The following EYS variants were observed in gnomAD, a reference collection of about 807,000 sequenced individuals.
EYS encodes protein eyes shut homolog.
EYS carries 250 observed loss-of-function variants against 282.1 expected under a neutral mutation model. The observed-to-expected ratio is 0.89, with a 90% CI of 0.80 to 0.98. The LOEUF (loss-of-function observed/expected upper bound fraction) is 0.98. Among genes scored for constraint, EYS ranks in the 50% least tolerant of loss-of-function variants. The pLI, the probability that EYS is intolerant of heterozygous loss-of-function variation, is 0.00. For missense variants in EYS, 4,016 were observed against 3,709.0 expected, an observed-to-expected ratio of 1.08 and a Z score of -2.15; for synonymous variants, 1,355 against 1,282.9, an observed-to-expected ratio of 1.06 and a Z score of -1.20.
intron 12 of EYS, among the ~76,000 whole-genome samples, chr6:65,209,405 G>A (rs1186260831): frequency 2.6e-5 from 4 of 151,498 alleles, no homozygotes; most frequent in African/African-American, 9.7e-5. Context: ...CACAAATCAG[G>A]ATTTATTAAT....
chr6:64,534,349 T>G (rs751061340), intron 26 of EYS, among the ~76,000 whole-genome samples: 5 of 151,964 alleles, frequency 3.3e-5, no homozygotes, highest in Non-Finnish European at 5.9e-5. Context: ...CTAAAATGAG[T>G]CTGTGTTATC....
intron 19 of EYS, among the ~76,000 whole-genome samples, chr6:64,873,898 T>G (rs1404326916): frequency 6.6e-6 from 1 of 152,078 alleles, no homozygotes; most frequent in Non-Finnish European, 1.5e-5. Context: ...CTTTTTGCAT[T>G]AGAAATATTA....
intron 29 of EYS, among the ~76,000 whole-genome samples, chr6:64,354,459 CTTAACTTCACAGTTTGT>C (rs1177547379): frequency 1.3e-5 from 2 of 151,488 alleles, no homozygotes; most frequent in African/African-American, 4.8e-5. Flanking sequence ...AAGACAGAAG[CTTAACTTCACAGTTTGT>C]TTCCTCATCC....
intron 15 of EYS, among the ~76,000 whole-genome samples, chr6:64,934,893 A>G (rs1474624779): frequency 2.6e-5 from 4 of 151,766 alleles, no homozygotes. Flanking sequence ...TTTGTTCATA[A>G]CTCTTTTCTC....
intron 12 of EYS, among the ~76,000 whole-genome samples, chr6:65,058,603 A>T (rs1372957364): frequency 6.6e-6 from 1 of 150,916 alleles, no homozygotes; most frequent in Non-Finnish European, 1.5e-5. Flanking sequence ...TAATTTTACA[A>T]CGTAAGCCTA....
Position 65,258,912 on chromosome 6 carries a change from G to A in EYS, c.2023+36951C>T, listed in dbSNP as rs568386161. 2.2e-3 allele frequency among the ~76,000 whole-genome samples: 341 copies of A among 152,006 alleles called. 3 individuals carry two copies. Among genetic ancestry groups the A allele is most frequent in the African/African-American group, 7.8e-3 (322 of 41,494 alleles). On this transcript the variant is annotated intron_variant, in intron 12 of 42. Transcript: ENST00000503581. ...CATAAAAGTATTTTTTAAATTTTGG[G>A]GAAAAAGAAAAATTGATACAAGTAG...
chr6:64,527,926 C>T (rs1413921943), intron 26 of EYS, among the ~76,000 whole-genome samples: 3 of 151,454 alleles, frequency 2.0e-5, no homozygotes, highest in Admixed American at 1.3e-4. Flanking sequence ...AAAAACATTC[C>T]GTTTGCTTAA....
chr6:65,121,304 A>C (rs188977359), intron 12 of EYS, among the ~76,000 whole-genome samples: 105 of 152,308 alleles, frequency 6.9e-4, no homozygotes, highest in Non-Finnish European at 5.9e-5. Context: ...GATGAAACTT[A>C]TACAGTTGAA....
intron 12 of EYS, among the ~76,000 whole-genome samples, chr6:65,204,085 C>T (rs1056561521): frequency 7.9e-5 from 12 of 152,040 alleles, no homozygotes; most frequent in Admixed American, 3.3e-4. Flanking sequence ...ACCAAATCTA[C>T]GGCTTATAGG....
At chr6:64,072,005 C>A (rs1771599101) in intron 32 of EYS, among the ~76,000 whole-genome samples, 1 of 151,674 alleles carries the variant, frequency 6.6e-6, no homozygotes, top group African/African-American at 2.4e-5. Flanking sequence ...CATAAAAAAT[C>A]CAAGGCACAG....
chr6:65,527,685 G>T lies in EYS; in HGVS notation c.-332-31692C>A, dbSNP rs529449308. 3.9e-5 allele frequency among the ~76,000 whole-genome samples: 6 copies of T among 152,272 alleles called. No homozygotes were observed. In the South Asian group the frequency reaches 1.2e-3, roughly 32 times the overall value. ...GCCAGTATAATTGGACGCTGTCTTT[G>T]CTATCACACTGTTACTCAGGGAGAC... On this transcript the variant is annotated intron_variant, in intron 2 of 42. Transcript: ENST00000503581.
intron 26 of EYS, among the ~76,000 whole-genome samples, chr6:64,549,204 C>T (rs1372838595): frequency 1.3e-5 from 2 of 152,194 alleles, no homozygotes. Flanking sequence ...CACAGATACT[C>T]ATCCACTCAG....
chr6:65,611,010 T>C (rs1765979941), intron 2 of EYS, among the ~76,000 whole-genome samples: 1 of 152,092 alleles, frequency 6.6e-6, no homozygotes, highest in Admixed American at 6.6e-5. Context: ...AATGTACTCA[T>C]ATAAATTTAA....
At chr6:64,545,826 A>G (rs113752201) in intron 26 of EYS, among the ~76,000 whole-genome samples, 83,601 of 151,876 alleles carry the variant, frequency 0.55, 23,119 homozygotes, top group South Asian at 0.65. Context: ...GACGTGAAGG[A>G]CCTCTTCAAG....
chr6:64,640,416 T>C lies in EYS; in HGVS notation c.3444-14171A>G, dbSNP rs551608281. Among the ~76,000 whole-genome samples, 68 of 152,346 alleles carry C rather than the reference T, an allele frequency of 4.5e-4. 1 individual carries two copies. The highest frequency in any genetic ancestry group is 3.7e-3 in the South Asian group (18 of 4,830). ...ATAAAAATGATGAGTTCATGTCCTT[T>C]GTAGAGACATGGATGAAATTGGAAA... On this transcript the variant is annotated intron_variant, in intron 22 of 42. Coordinates refer to ENST00000503581, the MANE Select transcript of EYS (RefSeq NM_001142800.2).
At chr6:63,879,625 C>T (rs567043785) in intron 35 of EYS, among the ~76,000 whole-genome samples, 30 of 152,274 alleles carry the variant, frequency 2.0e-4, no homozygotes, top group Non-Finnish European at 3.2e-4. Flanking sequence ...GCAATTACCA[C>T]GCATGAAATA....
At chr6:64,729,235 C>T (rs1771872374) in intron 22 of EYS, among the ~76,000 whole-genome samples, 1 of 152,176 alleles carries the variant, frequency 6.6e-6, no homozygotes, top group Non-Finnish European at 1.5e-5. Flanking sequence ...TTCCCTGCCT[C>T]CTATCCTTAT....
intron 29 of EYS, among the ~76,000 whole-genome samples, chr6:64,344,489 C>T (rs1771285955): frequency 2.0e-5 from 3 of 152,012 alleles, no homozygotes; most frequent in Admixed American, 2.0e-4. Context: ...CAGAAAAGGC[C>T]TTTGACAAAA....
chr6:65,571,734 G>A (rs1764483481), intron 2 of EYS, among the ~76,000 whole-genome samples: 2 of 151,876 alleles, frequency 1.3e-5, no homozygotes, highest in Admixed American at 1.3e-4. Context: ...AATGTATAAT[G>A]CCCAAGTTCA....
Sources: gnomAD v4.1 joint callset for allele counts (sites outside exome capture counted in the v4.1 genomes callset) on GRCh38, gnomAD v4.1.1 for gene constraint, MANE v1.5 for transcripts, NCBI Gene and HGNC (gene_info 2026-07-23, HGNC 2026-07-21) for gene names.